Variants in NEDD4L observed in about 807,000 individuals in gnomAD.
The protein encoded by NEDD4L is E3 ubiquitin-protein ligase NEDD4-like.
In NEDD4L, 54 loss-of-function variants were observed where a neutral mutation model predicts 148.9. The ratio of observed to expected loss-of-function variants is 0.36; its 90% CI spans 0.29 to 0.45. The LOEUF (loss-of-function observed/expected upper bound fraction) is 0.45, where lower values mean the gene tolerates loss of function less well. Among genes scored for constraint, NEDD4L ranks in the 20% least tolerant of loss-of-function variants. NEDD4L has a pLI of 1.00. For synonymous variants in NEDD4L, 433 were observed against 440.7 expected (o/e 0.98, Z 0.22); for missense variants, 856 against 1,233.8 (o/e 0.69, Z 4.59).
chr18:58,052,067 TA>T (rs994563366), intron 1 of NEDD4L, among the ~76,000 whole-genome samples: 2 of 151,974 alleles, frequency 1.3e-5, no homozygotes, highest in South Asian at 2.1e-4. Context: ...GAGTTGAGAA[TA>T]AAAAAAACTA....
At chr18:58,061,276 A>G (rs1055425486) in intron 1 of NEDD4L, among the ~76,000 whole-genome samples, 1 of 152,216 alleles carries the variant, frequency 6.6e-6, no homozygotes, top group African/African-American at 2.4e-5. Flanking sequence ...ATGTTAGATC[A>G]TAAATATGAT....
At chr18:58,156,685 GGCCACCT>G (rs2035542161) in intron 1 of NEDD4L, among the ~76,000 whole-genome samples, 2 of 152,104 alleles carry the variant, frequency 1.3e-5, no homozygotes, top group Non-Finnish European at 2.9e-5. Context: ...AGCCTTGGGA[GGCCACCT>G]GCCCGTGTTT....
At chr18:58,387,724 C>A in intron 27 of NEDD4L, 1 of 448,018 alleles carries the variant, frequency 2.2e-6, no homozygotes, top group Non-Finnish European at 3.7e-6. Context: ...CAAAAATAAT[C>A]AGCTGTAGTT....
chr18:58,392,368 C>G (rs1044713453), intron 30 of NEDD4L, among the ~76,000 whole-genome samples: 2 of 152,248 alleles, frequency 1.3e-5, no homozygotes, highest in Non-Finnish European at 2.9e-5. Flanking sequence ...AAAGCCTGCT[C>G]TGGCCATAGT....
intron 2 of NEDD4L, among the ~76,000 whole-genome samples, chr18:58,176,018 A>G (rs1323664825): frequency 6.6e-6 from 1 of 152,210 alleles, no homozygotes; most frequent in Non-Finnish European, 1.5e-5. Context: ...CGCCACAATA[A>G]TGGATCTTCC....
In NEDD4L at chr18:58,169,394, C is replaced by A. The variant is rs182990526; in HGVS notation, c.122+3533C>A. ...ATATAATCTGTCATCTAAACTGGGA[C>A]GCTTTTGTCTGGAATGAATGCGACA... is the stretch of plus-strand genomic sequence containing the variant. On this transcript the variant is annotated intron_variant, in intron 2 of 30. Transcript: ENST00000400345. 3.9e-5 allele frequency among the ~76,000 whole-genome samples: 6 copies of A among 152,170 alleles called. No individual in the cohort carries two copies. In the South Asian group the frequency reaches 1.2e-3, roughly 32 times the overall value.
chr18:58,117,273 G>A (rs182547003), intron 1 of NEDD4L, among the ~76,000 whole-genome samples: 1 of 152,174 alleles, frequency 6.6e-6, no homozygotes, highest in South Asian at 2.1e-4. Context: ...AGGAAAAACA[G>A]TTCATCCTCA....
chr18:58,203,826 T>G (rs2041695739), intron 2 of NEDD4L, among the ~76,000 whole-genome samples: 1 of 152,124 alleles, frequency 6.6e-6, no homozygotes, highest in Admixed American at 6.5e-5. Flanking sequence ...ACTTGTAGCA[T>G]TTGAAAAATA....
At chr18:58,227,855 T>C in intron 2 of NEDD4L, 1 of 983,090 alleles carries the variant, frequency 1.0e-6, no homozygotes, top group Non-Finnish European at 1.2e-6. Flanking sequence ...TGTTGAACTT[T>C]TTTTTGGTCG....
At chr18:58,189,949 T>G (rs966092176) in intron 2 of NEDD4L, 1 of 152,212 alleles carries the variant, frequency 6.6e-6, no homozygotes, top group African/African-American at 2.4e-5. Flanking sequence ...GAATCTCTTA[T>G]GTGGAATTCT....
intron 2 of NEDD4L, among the ~76,000 whole-genome samples, chr18:58,208,211 A>C (rs1216112224): frequency 6.6e-6 from 1 of 152,242 alleles, no homozygotes; most frequent in Non-Finnish European, 1.5e-5. Context: ...CAAAGTGACA[A>C]AATTAAATAT....
intron 5 of NEDD4L, among the ~76,000 whole-genome samples, chr18:58,253,273 C>T (rs2048136014): frequency 6.6e-6 from 1 of 152,304 alleles, no homozygotes; most frequent in African/African-American, 2.4e-5. Flanking sequence ...AGTGGAGGTG[C>T]CAGGGTCTGA....
chr18:58,178,300 C>T (rs1176487722), intron 2 of NEDD4L, among the ~76,000 whole-genome samples: 4 of 152,152 alleles, frequency 2.6e-5, no homozygotes, highest in Admixed American at 1.3e-4. Context: ...AGTGCAGTAG[C>T]TTTTTATTTA....
At chr18:58,217,659 A>G (rs1357872637) in intron 2 of NEDD4L, among the ~76,000 whole-genome samples, 2 of 152,124 alleles carry the variant, frequency 1.3e-5, no homozygotes, top group Admixed American at 1.3e-4. Flanking sequence ...CAATTTTTAA[A>G]TAACTTTTTT....
chr18:58,210,091 G>A (rs2042447811), intron 2 of NEDD4L, among the ~76,000 whole-genome samples: 2 of 152,264 alleles, frequency 1.3e-5, no homozygotes, highest in Admixed American at 1.3e-4. Context: ...GCCCAAACCT[G>A]GGAGGCAGAG....
At chr18:58,138,769 G>A (rs2033154437) in intron 1 of NEDD4L, among the ~76,000 whole-genome samples, 1 of 152,188 alleles carries the variant, frequency 6.6e-6, no homozygotes, top group Admixed American at 6.5e-5. Flanking sequence ...GCTCTGTTGT[G>A]CCTTTTATAA....
chr18:58,217,074 C>G (rs571638942), intron 2 of NEDD4L, among the ~76,000 whole-genome samples: 1 of 152,180 alleles, frequency 6.6e-6, no homozygotes, highest in African/African-American at 2.4e-5. Context: ...GACCTTTCCC[C>G]CTTCTTGATG....
intron 1 of NEDD4L, among the ~76,000 whole-genome samples, chr18:58,164,798 G>A (rs1048788336): frequency 1.3e-5 from 2 of 152,314 alleles, no homozygotes; most frequent in East Asian, 3.9e-4. Context: ...TTACTCTTAG[G>A]CTAGGTTTCT....
chr18:58,102,938 A>G (rs920557026), intron 1 of NEDD4L, among the ~76,000 whole-genome samples: 3 of 152,016 alleles, frequency 2.0e-5, no homozygotes, highest in African/African-American at 4.8e-5. Context: ...GGCAGCTGCT[A>G]TTTTCAGGCA....
Sources: gnomAD v4.1 joint callset for allele counts (sites outside exome capture counted in the v4.1 genomes callset) on GRCh38, gnomAD v4.1.1 for gene constraint, MANE v1.5 for transcripts, NCBI Gene and HGNC (gene_info 2026-07-23, HGNC 2026-07-21) for gene names.